Variants in ATN1 observed in about 807,000 individuals in gnomAD.
ATN1 encodes the protein atrophin 1.
In ATN1, 19 loss-of-function variants were observed where a neutral mutation model predicts 85.8. The observed-to-expected ratio is 0.22, with a 90% confidence interval of 0.15 to 0.32. The LOEUF is 0.32. ATN1 is among the 10% of genes least tolerant of loss of function. ATN1 has a pLI of 1.00. For missense variants in ATN1, 1,453 were observed against 1,564.5 expected (o/e 0.93, Z 1.20); for synonymous variants, 674 against 657.0 (o/e 1.03, Z -0.39).
chr12:6,937,605 A>C lies in ATN1; in HGVS notation c.2294+44A>C. ...CGGAGGTGGGCCTGGAAAGGGGACG[A>C]CGACAAGGCGGCGACGAGAGAGGGA... On this transcript the variant is annotated intron_variant, in intron 5 of 9. Transcript: ENST00000396684. This position sits in a 1 kb window ranked among gnomAD's most constrained non-coding sequence, Gnocchi z 6.0. The C allele has an allele frequency of 1.4e-6, 2 of 1,457,352 alleles. No homozygotes were observed. Among genetic ancestry groups the C allele is most frequent in the Non-Finnish European group, 9.0e-7 (1 of 1,106,618 alleles). The allele number at this position is 1,457,352 out of a possible 1,614,324, so 90.3% of individuals were successfully genotyped here. A position where few individuals can be genotyped will look rare whatever the true frequency, so the allele number is the denominator to read the frequency against.
At chr12:6,928,529 C>T (rs782476121) in intron 1 of ATN1, 145 bp downstream of exon 1, 3 of 152,130 alleles carry the variant, frequency 2.0e-5, no homozygotes, top group African/African-American at 7.2e-5. Context: ...CCCGTCCCCC[C>T]ACTGCGGGCT....
chr12:6,933,305 C>A (rs1049124913), intron 1 of ATN1, among the ~76,000 whole-genome samples: 1 of 151,958 alleles, frequency 6.6e-6, no homozygotes, highest in East Asian at 1.9e-4. Context: ...CAACCTCTGC[C>A]TCCCAGGTTC....
upstream of ATN1, among the ~76,000 whole-genome samples, chr12:6,925,289 C>T (rs901884262): frequency 1.3e-5 from 2 of 152,086 alleles, no homozygotes; most frequent in Non-Finnish European, 2.9e-5. Flanking sequence ...CTTTTAGTAT[C>T]CATTGTAGCC....
Position 6,937,709 on chromosome 12 carries a change from T to G in ATN1, c.2295-136T>G. The G allele has an allele frequency of 6.9e-7, 1 of 1,441,784 alleles. No homozygotes were observed. Among genetic ancestry groups the G allele is most frequent in the Non-Finnish European group, 9.1e-7 (1 of 1,099,766 alleles). The allele number at this position is 1,441,784 out of a possible 1,614,324, so 89.3% of individuals were successfully genotyped here. On this transcript the variant is annotated intron_variant, in intron 5 of 9. Transcript: ENST00000396684. The surrounding 1 kb of genome is among the most constrained non-coding windows in gnomAD (Gnocchi z 6.0). Reference sequence around the variant, plus strand: ...TCCTCCGTCCAGGCCTAGTGGCCAGTGAGGCCCGCAGCAGCTCACAGCCTG... The same window carrying G: ...TCCTCCGTCCAGGCCTAGTGGCCAGGGAGGCCCGCAGCAGCTCACAGCCTG...
chr12:6,936,391 A>G lies in ATN1; in HGVS notation c.1124A>G (p.Tyr375Cys). 6.2e-7 allele frequency: 1 copy of G among 1,613,134 alleles called. No homozygotes were observed. The highest frequency in any genetic ancestry group is 2.2e-5 in the East Asian group (1 of 44,832). ...SAPAPPMRFP[Y>C]SSSSSSSAAA... ...CCAGCGCCCCCCATGAGGTTTCCTT[A>G]TTCATCCTCTAGTAGTAGCTCTGCA... The change falls in exon 5 of 10, where the codon TAT (tyrosine) becomes TGT (cysteine). Residue 375 changes from tyrosine to cysteine, a missense_variant. By Grantham distance (194) the Tyr-to-Cys change is radical. This residue lies in a region of ATN1 where 990 missense variants were observed against 914.8 expected (regional missense o/e 1.08). Transcript: ENST00000396684.
At chr12:6,931,831 C>T (rs1379829750) in intron 1 of ATN1, among the ~76,000 whole-genome samples, 1 of 151,332 alleles carries the variant, frequency 6.6e-6, no homozygotes, top group African/African-American at 2.4e-5. Flanking sequence ...GTCAGTAGTT[C>T]GAGACCACCC....
Position 6,937,950 on chromosome 12 carries a change from G to A in ATN1, c.2400G>A (p.Val800=). The A allele has an allele frequency of 1.3e-6, 2 of 1,581,194 alleles. No homozygotes were observed. The highest frequency in any genetic ancestry group is 1.7e-6 in the Non-Finnish European group (2 of 1,164,426). The part of the protein sequence containing the change: ...SKLAKKRADL[V]EKVRREAEQR... ...TGGCCAAGAAGCGGGCCGACCTGGT[G>A]GAGAAGGTGCGGCGCGAGGCCGAGC... The change falls in exon 6 of 10, where the codon GTG becomes GTA. Residue 800 remains valine (V), a synonymous_variant. Coordinates refer to ENST00000396684, the MANE Select transcript of ATN1 (RefSeq NM_001940.4). The surrounding 1 kb of genome is among the most constrained non-coding windows in gnomAD (Gnocchi z 6.0).
chr12:6,927,600 C>T (rs2138198103), upstream of ATN1, among the ~76,000 whole-genome samples: 1 of 150,546 alleles, frequency 6.6e-6, no homozygotes, highest in African/African-American at 2.5e-5. Flanking sequence ...GCCCCGGCCC[C>T]CTCGGCCTCG....
Position 6,941,910 on chromosome 12 carries a change from T to C in ATN1, c.*130T>C. ...TGCTCAGTTGCAGGGCCTCCGCAGC[T>C]GGACAGAGAGTGGGGGAGGGAGGGA... On this transcript the variant is annotated 3_prime_UTR_variant, in exon 10 of 10. Coordinates refer to ENST00000396684, the MANE Select transcript of ATN1 (RefSeq NM_001940.4). This position sits in a 1 kb window ranked among gnomAD's most constrained non-coding sequence, Gnocchi z 5.9. 1.1e-6 allele frequency: 1 copy of C among 911,090 alleles called. No homozygotes were observed. The highest frequency in any genetic ancestry group is 1.8e-6 in the Non-Finnish European group (1 of 563,262). The allele number at this position is 911,090 out of a possible 1,614,324, so 56.4% of individuals were successfully genotyped here.
At chr12:6,925,118 G>A (rs1945385724), upstream of ATN1, among the ~76,000 whole-genome samples, 2 of 44,146 alleles carry the variant, frequency 4.5e-5, no homozygotes, top group South Asian at 9.4e-4. Context: ...GTGCGTGTGC[G>A]TGTGTGTGTG....
intron 1 of ATN1, among the ~76,000 whole-genome samples, 160 bp downstream of exon 1, chr12:6,928,544 C>T (rs1472159363): frequency 6.6e-6 from 1 of 151,846 alleles, no homozygotes; most frequent in Non-Finnish European, 1.5e-5. Flanking sequence ...CGGGCTCTGC[C>T]TGGCCTGAGG....
intron 7 of ATN1, among the ~76,000 whole-genome samples, 160 bp downstream of exon 7, chr12:6,939,337 C>T (rs1477740200): frequency 6.6e-6 from 1 of 152,228 alleles, no homozygotes; most frequent in Non-Finnish European, 1.5e-5. Flanking sequence ...GTTCTCTCAG[C>T]CTTGTCTTCT....
rs782802249 is a variant in ATN1, at chr12:6,936,681, G to A, written c.1414G>A (p.Ala472Thr). ...FPPSTGAQST[A>T]HPPVSTHHHH... ...TCCCTCTACTGGGGCCCAGTCCACC[G>A]CCCACCCACCAGTCTCAACACATCA... Residue 472 changes from alanine to threonine, a missense_variant, in exon 5 of 10, where the codon GCC (alanine) becomes ACC (threonine). Ala to Thr is a moderately conservative substitution (Grantham distance 58, BLOSUM62 0). Around this residue, in one of 6 missense-constraint regions of ATN1, gnomAD observed 990 missense variants for 914.8 expected, o/e 1.08. Transcript: ENST00000396684. The A allele has an allele frequency of 1.9e-6, 3 of 1,612,244 alleles. No homozygotes were observed. The highest frequency in any genetic ancestry group is 2.5e-6 in the Non-Finnish European group (3 of 1,179,556).
At position 6,938,017 on chromosome 12, in the gene ATN1, C is replaced by A; in HGVS notation, c.2467C>A (p.Arg823Ser). The change falls in exon 6 of 10, where the codon CGC (arginine) becomes AGC (serine). Residue 823 changes from arginine (R) to serine (S), a missense_variant. Arg to Ser is a moderately radical substitution (Grantham distance 110, BLOSUM62 -1). Transcript: ENST00000396684. ...AAAGGAGCGCGAGCGCGAGCGGGAA[C>A]GCGAGAAAGAGCGCGAGCGCGAGAA... is the stretch of plus-strand genomic sequence containing the variant. ...EEKEREREREREKEREREKER... is the reference protein window; with the variant it reads ...EEKERERERESEKEREREKER... The A allele has an allele frequency of 6.5e-7, 1 of 1,541,538 alleles. No individual in the cohort carries two copies. The highest frequency in any genetic ancestry group is 1.2e-5 in the South Asian group (1 of 83,702).
upstream of ATN1, among the ~76,000 whole-genome samples, chr12:6,925,190 C>T (rs73262846): frequency 0.015 from 2,329 of 151,466 alleles, 62 homozygotes; most frequent in African/African-American, 0.052. Context: ...TAAGCCTGGC[C>T]CTCAGGTAGG....
chr12:6,929,530 A>G (rs1474118537), intron 1 of ATN1, among the ~76,000 whole-genome samples: 1 of 152,164 alleles, frequency 6.6e-6, no homozygotes, highest in African/African-American at 2.4e-5. Context: ...GTAGTGATCC[A>G]GTGGGATGTC....
upstream of ATN1, among the ~76,000 whole-genome samples, chr12:6,927,631 C>T (rs895631638): frequency 1.6e-4 from 24 of 150,742 alleles, no homozygotes; most frequent in African/African-American, 5.4e-4. Flanking sequence ...ACTCGCGCTG[C>T]GCCTCCCCCT....
Position 6,938,636 on chromosome 12 carries a change from G to T in ATN1, c.2673G>T (p.Arg891=). 6.2e-7 allele frequency: 1 copy of T among 1,614,202 alleles called. No individual in the cohort carries two copies. The highest frequency in any genetic ancestry group is 8.5e-7 in the Non-Finnish European group (1 of 1,180,038). The change falls in exon 7 of 10, where the codon CGG becomes CGT. Residue 891 remains arginine (R), a synonymous_variant. Transcript: ENST00000396684. ...PALRTLSEYA[R]PHVMSPGNRN... ...TGCGCACTCTCAGTGAATATGCCCG[G>T]CCTCATGTCATGTCTCCTGGCAATC...
chr12:6,935,184 G>A lies in ATN1; in HGVS notation c.280-363G>A, dbSNP rs188450050. ...ATTACAGGTGTAAGCCTCTGTGCCC[G>A]GCCAGAAGTGGTATAAAAACCAAGG... On this transcript the variant is annotated intron_variant, in intron 4 of 9. Coordinates refer to ENST00000396684, the MANE Select transcript of ATN1 (RefSeq NM_001940.4). This position sits in a 1 kb window ranked among gnomAD's most constrained non-coding sequence, Gnocchi z 5.3. Among the ~76,000 whole-genome samples the A allele has an allele frequency of 3.5e-4, 54 of 152,282 alleles. No homozygotes were observed. Among genetic ancestry groups the A allele is most frequent in the African/African-American group, 1.3e-3 (53 of 41,556 alleles).
Sources: allele counts gnomAD v4.1 joint callset (sites outside exome capture counted in the v4.1 genomes callset), GRCh38; gene constraint gnomAD v4.1.1; regional missense constraint gnomAD v4.1.1; non-coding constraint Gnocchi (gnomAD v3.1); transcripts MANE v1.5; gene names NCBI Gene and HGNC (gene_info 2026-07-23, HGNC 2026-07-21).